NSMAF: variants seen among roughly 807,000 people sequenced by gnomAD.
NSMAF encodes the protein protein FAN.
In NSMAF, 90 loss-of-function variants were observed where a neutral mutation model predicts 134.9. The ratio of observed to expected loss-of-function variants is 0.67; its 90% CI spans 0.56 to 0.79. NSMAF has a LOEUF of 0.79. Ranked by LOEUF, NSMAF falls within the 30% of genes least tolerant of loss-of-function variation. NSMAF has a pLI of 0.00. For synonymous variants in NSMAF, 358 were observed against 389.6 expected, an observed-to-expected ratio of 0.92 and a Z score of 0.96; for missense variants, 1,010 against 1,119.0, an observed-to-expected ratio of 0.90 and a Z score of 1.39.
intron 9 of NSMAF, among the ~76,000 whole-genome samples, chr8:58,617,972 T>C (rs1333966124): frequency 1.3e-5 from 2 of 152,300 alleles, no homozygotes; most frequent in African/African-American, 2.4e-5. Context: ...CATGGGATAC[T>C]ATGCAGCCAT....
intron 6 of NSMAF, 170 bp downstream of exon 6, chr8:58,631,324 CTT>C (rs893225333): frequency 2.7e-6 from 1 of 372,682 alleles, no homozygotes; most frequent in African/African-American, 2.2e-5. Flanking sequence ...ATTGAATTCT[CTT>C]GAAATAAAAT....
rs749146556 is a variant in NSMAF at position 58,587,602 on chromosome 8, T to G, written c.2295+16A>C. 1.0e-4 allele frequency: 162 copies of G among 1,611,674 alleles called. No individual in the cohort carries two copies. Among genetic ancestry groups the G allele is most frequent in the Non-Finnish European group, 1.3e-4 (152 of 1,177,930 alleles). ...TTTAAGGTCAGTTTTCTGTACAGTT[T>G]GTTGCTGGTACTCACACTGACATCA... On this transcript the variant is annotated intron_variant, in intron 27 of 30. Coordinates refer to ENST00000038176, the MANE Select transcript of NSMAF (RefSeq NM_003580.4).
At chr8:58,604,460 C>T (rs1281333479) in intron 12 of NSMAF, among the ~76,000 whole-genome samples, 2 of 150,878 alleles carry the variant, frequency 1.3e-5, no homozygotes, top group African/African-American at 4.9e-5. Flanking sequence ...CAAAGCTATA[C>T]TTATACATAA....
chr8:58,615,695 T>G (rs1806639535), intron 9 of NSMAF, among the ~76,000 whole-genome samples: 1 of 152,138 alleles, frequency 6.6e-6, no homozygotes, highest in South Asian at 2.1e-4. Flanking sequence ...AAAGAGAAAA[T>G]TATAAGTTTA....
At position 58,584,067 on chromosome 8, in the gene NSMAF, A is replaced by C; in HGVS notation, c.*39T>G. 1 of 1,463,598 alleles carries C rather than the reference A, an allele frequency of 6.8e-7. No individual in the cohort carries two copies. Among genetic ancestry groups the C allele is most frequent in the Non-Finnish European group, 9.6e-7 (1 of 1,043,148 alleles). The allele number at this position is 1,463,598 out of a possible 1,614,324, so 90.7% of individuals were successfully genotyped here. On this transcript the variant is annotated 3_prime_UTR_variant, in exon 31 of 31. Coordinates refer to ENST00000038176, the MANE Select transcript of NSMAF (RefSeq NM_003580.4). The stretch of plus-strand genomic sequence containing the variant: ...AAAAGTTTGGTTTAAAAATGCATTA[A>C]ATAGAGTTCAATTTAATATTCAGGA...
At chr8:58,590,804 T>C in intron 24 of NSMAF, 63 bp downstream of exon 24, 1 of 1,440,196 alleles carries the variant, frequency 6.9e-7, no homozygotes, top group Non-Finnish European at 9.5e-7. Flanking sequence ...TATTATTGTA[T>C]GGGTGTGTAT....
At chr8:58,603,081 C>G in intron 13 of NSMAF, 129 bp downstream of exon 13, 1 of 903,548 alleles carries the variant, frequency 1.1e-6, no homozygotes, top group Non-Finnish European at 1.7e-6. Flanking sequence ...AGCAATACAA[C>G]TGAAATGAGT....
In NSMAF at chr8:58,590,056, G is replaced by C; in HGVS notation, c.2038C>G (p.Leu680Val). 1 of 1,613,618 alleles carries C rather than the reference G, an allele frequency of 6.2e-7. No homozygotes were observed. The highest frequency in any genetic ancestry group is 8.5e-7 in the Non-Finnish European group (1 of 1,179,558). ...FSNMALSSCL[L>V]LPGDATVITS... ...ATGACAGTGGCATCTCCTGGTAAAAGTAAACAAGACGATAAAGCCTGAAAT... is the reference window on the plus strand; with the variant it reads ...ATGACAGTGGCATCTCCTGGTAAAACTAAACAAGACGATAAAGCCTGAAAT... Residue 680 changes from leucine to valine, a missense_variant, in exon 25 of 31, where the codon CTT becomes GTT. Coordinates refer to ENST00000038176, the MANE Select transcript of NSMAF (RefSeq NM_003580.4).
At chr8:58,613,540 G>A (rs1169341259) in intron 9 of NSMAF, among the ~76,000 whole-genome samples, 1 of 151,678 alleles carries the variant, frequency 6.6e-6, no homozygotes, top group Non-Finnish European at 1.5e-5. Context: ...GAAAAGAAGG[G>A]AGAAAAGGAG....
In NSMAF at chr8:58,601,425, G is replaced by T. The variant is rs1806276734; in HGVS notation, c.1216+20C>A. ...ACAGTGAAATAAAATTTAATTGGGG[G>T]TAATGATAAAGAATCTTACCAATCC... On this transcript the variant is annotated intron_variant, in intron 15 of 30. Transcript: ENST00000038176. The T allele has an allele frequency of 1.2e-6, 2 of 1,611,690 alleles. No homozygotes were observed. Among genetic ancestry groups the T allele is most frequent in the Non-Finnish European group, 8.5e-7 (1 of 1,178,152 alleles).
Position 58,589,515 on chromosome 8 carries a change from A to C in NSMAF, c.2148T>G (p.Ala716=), listed in dbSNP as rs758414370. The C allele has an allele frequency of 6.4e-7, 1 of 1,570,050 alleles. No individual in the cohort carries two copies. Among genetic ancestry groups the C allele is most frequent in the South Asian group, 1.2e-5 (1 of 82,732 alleles). ...TGTCATGCCAACAGATCTTACTAAC[A>C]GCATCATCATGTCCCATTAACGTGT... ...RQDTLMGHDD[A]VSKICWHDNR... is the part of the protein sequence containing the mutation. The change falls in exon 26 of 31, where the codon GCT becomes GCG. Residue 716 remains alanine, a synonymous_variant. Transcript: ENST00000038176.
chr8:58,605,748 C>T (rs751461885), intron 12 of NSMAF, among the ~76,000 whole-genome samples, 179 bp downstream of exon 12: 1 of 151,806 alleles, frequency 6.6e-6, no homozygotes, highest in African/African-American at 2.4e-5. Context: ...GGCGTGGTAG[C>T]GGGCACCTGT....
intron 2 of NSMAF, among the ~76,000 whole-genome samples, chr8:58,641,018 T>A (rs1807323034): frequency 6.6e-6 from 1 of 152,100 alleles, no homozygotes; most frequent in South Asian, 2.1e-4. Context: ...GCCTCCCAAG[T>A]TCAAGCAATT....
At chr8:58,592,897 A>G (rs551797806) in intron 23 of NSMAF, among the ~76,000 whole-genome samples, 2 of 118,282 alleles carry the variant, frequency 1.7e-5, no homozygotes, top group African/African-American at 4.4e-5. Flanking sequence ...AAAAAAAAAC[A>G]AAAACAAAAA....
chr8:58,607,947 A>T, intron 10 of NSMAF, 107 bp from the exon 11 acceptor site: 1 of 914,428 alleles, frequency 1.1e-6, no homozygotes, highest in East Asian at 2.4e-5. Context: ...TTGCTTTCCT[A>T]ATAAACCATT....
In NSMAF at chr8:58,601,465, A is replaced by G. The variant is rs1335235582; in HGVS notation, c.1196T>C (p.Leu399Pro). ...GSHYSSPGYV[L>P]FYLVRIAPEY... ...CTTACCAATCCTAACAAGATAAAAA[A>G]GTACATAACCCGGGGAAGAGTAGTG... The change falls in exon 15 of 31, where the codon CTT (leucine) becomes CCT (proline). Residue 399 changes from leucine to proline, a missense_variant. Transcript: ENST00000038176. The G allele has an allele frequency of 1.2e-6, 2 of 1,613,784 alleles. No individual in the cohort carries two copies. Among genetic ancestry groups the G allele is most frequent in the East Asian group, 2.2e-5 (1 of 44,830 alleles).
intron 26 of NSMAF, 124 bp from the exon 27 acceptor site, chr8:58,587,825 G>C (rs1351700130): frequency 1.3e-6 from 1 of 768,958 alleles, no homozygotes; most frequent in Non-Finnish European, 2.2e-6. Context: ...AAGTTAAGCT[G>C]CACAGTGCTC....
At chr8:58,585,482 C>T (rs536765275) in intron 30 of NSMAF, among the ~76,000 whole-genome samples, 170 bp downstream of exon 30, 1 of 152,090 alleles carries the variant, frequency 6.6e-6, no homozygotes, top group East Asian at 1.9e-4. Flanking sequence ...CCTGAGTAAC[C>T]TACGAGATGC....
rs1042535836 is a variant in NSMAF at position 58,638,925 on chromosome 8, A to G, written c.150-3379T>C. On this transcript the variant is annotated intron_variant, in intron 2 of 30. Coordinates refer to ENST00000038176, the MANE Select transcript of NSMAF (RefSeq NM_003580.4). ...TAAAAAACTCGAACAACTTGATAGTATAATAAGAAAACAAATAGCCTATTA... is the reference window on the plus strand; with the variant it reads ...TAAAAAACTCGAACAACTTGATAGTGTAATAAGAAAACAAATAGCCTATTA... Among the ~76,000 whole-genome samples the G allele has an allele frequency of 7.2e-5, 11 of 152,240 alleles. No homozygotes were observed. The East Asian group carries it at 7.7e-4, about 11-fold the overall frequency.
Sources: allele counts gnomAD v4.1 joint callset (sites outside exome capture counted in the v4.1 genomes callset), GRCh38; gene constraint gnomAD v4.1.1; transcripts MANE v1.5; gene names NCBI Gene and HGNC (gene_info 2026-07-23, HGNC 2026-07-21).